KCND3: variants seen among roughly 807,000 people sequenced by gnomAD.
KCND3 encodes A-type voltage-gated potassium channel KCND3.
In KCND3, 9 loss-of-function variants were observed where a neutral mutation model predicts 51.1. That is an observed-to-expected ratio of 0.18 (90% confidence interval 0.11 to 0.31). The LOEUF is 0.31. Ranked by LOEUF, KCND3 falls within the 10% of genes least tolerant of loss-of-function variation. KCND3 has a pLI of 1.00. For missense variants in KCND3, 526 were observed against 903.8 expected (o/e 0.58, Z 5.36); for synonymous variants, 349 against 368.0 (o/e 0.95, Z 0.59).
At chr1:111,968,680 G>A (rs1333944447) in intron 2 of KCND3, among the ~76,000 whole-genome samples, 1 of 152,208 alleles carries the variant, frequency 6.6e-6, no homozygotes, top group African/African-American at 2.4e-5. Flanking sequence ...ACCTACTGCA[G>A]AGGGGCATAT....
chr1:111,962,103 G>A (rs573369137), intron 2 of KCND3, among the ~76,000 whole-genome samples: 286 of 152,324 alleles, frequency 1.9e-3, no homozygotes, highest in Non-Finnish European at 3.4e-3. Context: ...GACTGGGCAC[G>A]CACATGTGCC....
At chr1:111,976,155 A>G (rs1674613238) in intron 2 of KCND3, among the ~76,000 whole-genome samples, 1 of 152,210 alleles carries the variant, frequency 6.6e-6, no homozygotes, top group African/African-American at 2.4e-5. Flanking sequence ...TAGGTACTCA[A>G]TAAACATTTG....
At chr1:111,875,673 T>C (rs1669016692) in intron 2 of KCND3, among the ~76,000 whole-genome samples, 1 of 152,228 alleles carries the variant, frequency 6.6e-6, no homozygotes, top group African/African-American at 2.4e-5. Context: ...AATTCTTGTG[T>C]TGCCTCTCTT....
chr1:111,977,919 T>A (rs1674729233), intron 2 of KCND3, among the ~76,000 whole-genome samples: 1 of 152,228 alleles, frequency 6.6e-6, no homozygotes, highest in Non-Finnish European at 1.5e-5. Context: ...GGATTTATTT[T>A]ATTTATAGCA....
At chr1:111,966,160 C>T (rs1673974097) in intron 2 of KCND3, among the ~76,000 whole-genome samples, 1 of 152,148 alleles carries the variant, frequency 6.6e-6, no homozygotes, top group Non-Finnish European at 1.5e-5. Context: ...TGGAGACAGC[C>T]CACACGCTTA....
At chr1:111,834,233 A>C (rs139096327) in intron 2 of KCND3, among the ~76,000 whole-genome samples, 1 of 152,230 alleles carries the variant, frequency 6.6e-6, no homozygotes, top group African/African-American at 2.4e-5. Context: ...ATAGATGCCC[A>C]CTAGGATTTG....
At position 111,982,998 on chromosome 1, in the gene KCND3, T is replaced by C. The variant is rs1009190904; in HGVS notation, c.-72-200A>G. Among the ~76,000 whole-genome samples the C allele has an allele frequency of 2.0e-5, 3 of 152,122 alleles. No homozygotes were observed. The highest frequency in any genetic ancestry group is 4.8e-5 in the African/African-American group (2 of 41,430). On this transcript the variant is annotated intron_variant, in intron 1 of 7. Transcript: ENST00000302127. The surrounding 1 kb of genome is among the most constrained non-coding windows in gnomAD (Gnocchi z 8.5). ...TGGGAGAACACCTAGCTCCTGGAGCTCGGCAGGGTGGGATCGCCAGATGTT... is the reference window on the plus strand; with the variant it reads ...TGGGAGAACACCTAGCTCCTGGAGCCCGGCAGGGTGGGATCGCCAGATGTT...
chr1:111,871,659 A>G (rs1668833181), intron 2 of KCND3, among the ~76,000 whole-genome samples: 1 of 152,228 alleles, frequency 6.6e-6, no homozygotes, highest in Admixed American at 6.5e-5. Flanking sequence ...TAATTTGGGT[A>G]CCACCTGCCT....
chr1:111,985,950 G>C (rs1214784470), intron 1 of KCND3, among the ~76,000 whole-genome samples: 1 of 152,216 alleles, frequency 6.6e-6, no homozygotes, highest in Non-Finnish European at 1.5e-5. Flanking sequence ...GGAAAGAATG[G>C]AGGTCGTTCA....
chr1:111,794,379 G>A (rs2101524522), intron 2 of KCND3, among the ~76,000 whole-genome samples: 1 of 152,324 alleles, frequency 6.6e-6, no homozygotes, highest in Middle Eastern at 3.4e-3. Flanking sequence ...TGCCTGTGTG[G>A]TGGGGAGTCC....
intron 2 of KCND3, among the ~76,000 whole-genome samples, chr1:111,948,743 G>T (rs1672912734): frequency 6.6e-6 from 1 of 152,128 alleles, no homozygotes. Context: ...GGCTGGGCAA[G>T]ATCCTCTTAT....
rs1207539613 is a variant in KCND3 at position 111,795,800 on chromosome 1, C to G, written c.1107-8694G>C. Reference sequence around the variant, plus strand: ...ATGGTTGAACTAATTTACACTCCCACCAACAGTGTATAAGTGTTCCTTTTT... The same window carrying G: ...ATGGTTGAACTAATTTACACTCCCAGCAACAGTGTATAAGTGTTCCTTTTT... On this transcript the variant is annotated intron_variant, in intron 2 of 7. Transcript: ENST00000302127. Among the ~76,000 whole-genome samples, 3 of 152,230 alleles carry G rather than the reference C, an allele frequency of 2.0e-5. No homozygotes were observed. The East Asian group carries it at 5.8e-4, about 29-fold the overall frequency.
At chr1:111,871,766 A>G (rs1273679220) in intron 2 of KCND3, among the ~76,000 whole-genome samples, 5 of 152,262 alleles carry the variant, frequency 3.3e-5, no homozygotes, top group African/African-American at 9.6e-5. Flanking sequence ...ATCCTTGGAT[A>G]AAACCTAAAT....
chr1:111,778,977 G>T (rs1664254959), intron 5 of KCND3, among the ~76,000 whole-genome samples: 1 of 152,098 alleles, frequency 6.6e-6, no homozygotes, highest in Admixed American at 6.5e-5. Context: ...CCCAGCACAT[G>T]CAACTTGGAA....
intron 2 of KCND3, among the ~76,000 whole-genome samples, chr1:111,804,760 C>T (rs1321501005): frequency 6.6e-6 from 1 of 152,262 alleles, no homozygotes; most frequent in African/African-American, 2.4e-5. Flanking sequence ...TAATTATCCC[C>T]ATTTTGCATA....
At chr1:111,917,377 A>C (rs1269528816) in intron 2 of KCND3, among the ~76,000 whole-genome samples, 1 of 152,236 alleles carries the variant, frequency 6.6e-6, no homozygotes, top group Non-Finnish European at 1.5e-5. Context: ...CTGAATTACA[A>C]GGACTGCACT....
intron 2 of KCND3, among the ~76,000 whole-genome samples, chr1:111,858,063 G>A (rs956887911): frequency 8.5e-5 from 13 of 152,080 alleles, no homozygotes; most frequent in East Asian, 7.7e-4. Context: ...GGAGGTTGTC[G>A]GCTGCCGGTT....
chr1:111,789,488 G>A (rs554893594), intron 2 of KCND3, among the ~76,000 whole-genome samples: 1 of 152,362 alleles, frequency 6.6e-6, no homozygotes, highest in Admixed American at 6.5e-5. Context: ...CAGGAGGAAT[G>A]TGCAGATGGG....
At chr1:111,908,933 A>G (rs1259065680) in intron 2 of KCND3, among the ~76,000 whole-genome samples, 1 of 147,722 alleles carries the variant, frequency 6.8e-6, no homozygotes, top group African/African-American at 2.5e-5. Context: ...AAATGAGTCC[A>G]AAACTCTGGT....
Sources: allele counts gnomAD v4.1 joint callset (sites outside exome capture counted in the v4.1 genomes callset), GRCh38; gene constraint gnomAD v4.1.1; non-coding constraint Gnocchi (gnomAD v3.1); transcripts MANE v1.5; gene names NCBI Gene and HGNC (gene_info 2026-07-23, HGNC 2026-07-21).